Variants in FAM83A observed in about 807,000 individuals in gnomAD.
FAM83A encodes scaffolding CK1 anchoring protein A.
In FAM83A, 21 loss-of-function variants were observed where a neutral mutation model predicts 24.4. The ratio of observed to expected loss-of-function variants is 0.86; its 90% CI spans 0.61 to 1.24. The LOEUF (loss-of-function observed/expected upper bound fraction) is 1.24, where lower values mean the gene tolerates loss of function less well. Ranked by LOEUF, FAM83A falls within the 50% of genes most tolerant of loss-of-function variation. The pLI is 0.00. For synonymous variants in FAM83A, 270 were observed against 252.4 expected (o/e 1.07, Z -0.66); for missense variants, 617 against 579.8 (o/e 1.06, Z -0.66).
rs1007699247 is a variant in FAM83A at position 123,209,088 on chromosome 8, G to A, written c.*1400G>A. On this transcript the variant is annotated 3_prime_UTR_variant, in exon 4 of 4. Coordinates refer to ENST00000690554, the Ensembl canonical transcript of FAM83A. The surrounding 1 kb of genome is among the most constrained non-coding windows in gnomAD (Gnocchi z 4.7). ...CCCTGCACCTCAGGTGTGATAGTGG[G>A]GTCAGTGGTATGTGATCCAGGCTGG... 2 of 1,020,048 alleles carry A rather than the reference G, an allele frequency of 2.0e-6. No homozygotes were observed. The highest frequency in any genetic ancestry group is 1.7e-5 in the African/African-American group (1 of 58,070). 63.2% of individuals were successfully genotyped at this position (1,020,048 alleles called of 1,614,324 possible).
intron 3 of FAM83A, among the ~76,000 whole-genome samples, chr8:123,196,654 G>A (rs1824165709): frequency 6.6e-6 from 1 of 152,164 alleles, no homozygotes; most frequent in African/African-American, 2.4e-5. Flanking sequence ...AATACAACAA[G>A]GACCTTCCTG....
At chr8:123,184,154 C>T (rs62521842) in intron 1 of FAM83A, among the ~76,000 whole-genome samples, 21,318 of 152,086 alleles carry the variant, frequency 0.14, 1,768 homozygotes, top group East Asian at 0.22. Context: ...TGGGCCTTTG[C>T]GTGTGCTGTT....
chr8:123,183,201 G>T, exon 1 of FAM83A: 1 of 1,613,564 alleles, frequency 6.2e-7, no homozygotes, highest in Non-Finnish European at 8.5e-7. Context: ...GCAGCGAGCC[G>T]GCCCTACTGC....
At chr8:123,207,241 C>T in exon 4 of FAM83A, 1 of 1,612,838 alleles carries the variant, frequency 6.2e-7, no homozygotes, top group Non-Finnish European at 8.5e-7. Flanking sequence ...ACGAGGAGTT[C>T]CGCCACCTCT....
intron 1 of FAM83A, among the ~76,000 whole-genome samples, chr8:123,188,738 C>T (rs1031041484): frequency 2.4e-4 from 36 of 152,326 alleles, no homozygotes; most frequent in African/African-American, 8.2e-4. Context: ...CAGCCTCGGC[C>T]TCCCAAAGCG....
intron 3 of FAM83A, among the ~76,000 whole-genome samples, chr8:123,200,968 A>ATAT (rs1399935137): frequency 2.0e-4 from 28 of 138,986 alleles, no homozygotes; most frequent in African/African-American, 7.3e-4. Context: ...AAAAAAAAAA[A>ATAT]ATATATATAT....
rs761468871 is a variant in FAM83A, at chr8:123,182,950, A to C, written c.94A>C (p.Asn32His). 1.2e-4 allele frequency: 199 copies of C among 1,605,262 alleles called. No homozygotes were observed. Among genetic ancestry groups the C allele is most frequent in the Non-Finnish European group, 1.7e-4 (194 of 1,175,490 alleles). The change falls in exon 1 of 4, where the codon AAC becomes CAC. Residue 32 changes from asparagine to histidine, a missense_variant. Transcript: ENST00000690554. Reference sequence around the variant, plus strand: ...GCCAGCCAGGGCTGACTTTAGTGACAACGAGAGTGCCCGGCTGGCCACGGA... The same window carrying C: ...GCCAGCCAGGGCTGACTTTAGTGACCACGAGAGTGCCCGGCTGGCCACGGA...
At chr8:123,182,340 TC>T (rs35511175), upstream of FAM83A, 30,032 of 354,216 alleles carry the variant, frequency 0.085, 1,559 homozygotes, top group African/African-American at 0.15. Flanking sequence ...ATGGCATCTT[TC>T]CCCCCCACAG....
intron 3 of FAM83A, among the ~76,000 whole-genome samples, chr8:123,197,336 C>T (rs1477538568): frequency 6.6e-6 from 1 of 152,210 alleles, no homozygotes; most frequent in Non-Finnish European, 1.5e-5. Flanking sequence ...TCCCAGCTTG[C>T]CTTGAGGTCT....
chr8:123,185,841 A>G (rs540662197), intron 1 of FAM83A, among the ~76,000 whole-genome samples: 1 of 152,314 alleles, frequency 6.6e-6, no homozygotes, highest in South Asian at 2.1e-4. Flanking sequence ...CCCAGGCTGG[A>G]GTGCGTTGGC....
At chr8:123,203,084 C>T (rs777698402) in intron 3 of FAM83A, among the ~76,000 whole-genome samples, 4 of 152,082 alleles carry the variant, frequency 2.6e-5, no homozygotes, top group African/African-American at 9.6e-5. Context: ...AATAACTCCC[C>T]GTATGTAAAA....
chr8:123,207,525 C>T, exon 4 of FAM83A: 5 of 1,569,904 alleles, frequency 3.2e-6, no homozygotes, highest in Non-Finnish European at 4.3e-6. Flanking sequence ...GCCCCGAGTC[C>T]CCAGGCCCAC....
exon 4 of FAM83A, chr8:123,207,371 A>C (rs775511634): frequency 6.2e-7 from 1 of 1,611,238 alleles, no homozygotes; most frequent in East Asian, 2.2e-5. Flanking sequence ...CAGTGACCGC[A>C]CGTCCTCCAA....
chr8:123,208,185 G>A (rs544635202), exon 4 of FAM83A: 197 of 987,376 alleles, frequency 2.0e-4, no homozygotes, highest in Non-Finnish European at 2.3e-4. Context: ...TGGATGTTTC[G>A]GGAGAGTTGG....
chr8:123,182,171 C>A (rs1024103880), upstream of FAM83A: 1 of 453,942 alleles, frequency 2.2e-6, no homozygotes, highest in African/African-American at 2.0e-5. Context: ...ACGACAATGA[C>A]AAACACTTGA....
intron 3 of FAM83A, among the ~76,000 whole-genome samples, chr8:123,205,411 T>G (rs1824515059): frequency 6.6e-6 from 1 of 152,242 alleles, no homozygotes; most frequent in East Asian, 1.9e-4. Flanking sequence ...GGGCTGGCGC[T>G]TGGCTCGGCA....
chr8:123,208,935 G>C (rs1331540455), exon 4 of FAM83A: 8 of 983,228 alleles, frequency 8.1e-6, no homozygotes, highest in Non-Finnish European at 9.6e-6. Context: ...CTGCACTCCA[G>C]CATGGGCAAC....
chr8:123,207,643 G>T, exon 4 of FAM83A: 1 of 1,544,294 alleles, frequency 6.5e-7, no homozygotes, highest in Admixed American at 2.0e-5. Flanking sequence ...TGCCGAGGCT[G>T]ACTCCAACCT....
At chr8:123,192,319 T>G (rs1824008135) in intron 2 of FAM83A, among the ~76,000 whole-genome samples, 1 of 152,092 alleles carries the variant, frequency 6.6e-6, no homozygotes, top group Non-Finnish European at 1.5e-5. Context: ...GTCATGGGTA[T>G]CTGGTGAGCA....
Sources: allele counts gnomAD v4.1 joint callset (sites outside exome capture counted in the v4.1 genomes callset), GRCh38; gene constraint gnomAD v4.1.1; non-coding constraint Gnocchi (gnomAD v3.1); transcripts MANE v1.5; gene names NCBI Gene and HGNC (gene_info 2026-07-23, HGNC 2026-07-21).